RALYL: variants seen among roughly 807,000 people sequenced by gnomAD.
RALYL encodes the protein RALY RNA binding protein like, also known as RNA-binding Raly-like protein.
A neutral mutation model predicts 35.1 loss-of-function variants in RALYL; 29 were observed. The ratio of observed to expected loss-of-function variants is 0.83; its 90% CI spans 0.61 to 1.13. The LOEUF (loss-of-function observed/expected upper bound fraction) is 1.13. Ranked by LOEUF, RALYL falls within the 50% of genes most tolerant of loss-of-function variation. RALYL has a pLI of 0.00. For synonymous variants in RALYL, 120 were observed against 127.6 expected (o/e 0.94, Z 0.40); for missense variants, 359 against 360.4 (o/e 1.00, Z 0.03).
intron 1 of RALYL, among the ~76,000 whole-genome samples, chr8:84,521,314 C>T (rs368558628): frequency 3.0e-4 from 45 of 152,302 alleles, no homozygotes; most frequent in Non-Finnish European, 5.0e-4. Flanking sequence ...CTGGGACTTC[C>T]CAACCTCAGG....
chr8:84,386,057 G>A (rs1859128908), intron 1 of RALYL, among the ~76,000 whole-genome samples: 1 of 151,812 alleles, frequency 6.6e-6, no homozygotes, highest in African/African-American at 2.4e-5. Flanking sequence ...GGGAAAGAGA[G>A]GCATCTTGGC....
At chr8:84,210,787 C>T (rs11780481) in intron 1 of RALYL, among the ~76,000 whole-genome samples, 35,566 of 151,750 alleles carry the variant, frequency 0.23, 4,253 homozygotes, top group Non-Finnish European at 0.27. Flanking sequence ...GTACAAGAGG[C>T]AAATACACAT....
intron 2 of RALYL, among the ~76,000 whole-genome samples, chr8:84,630,406 C>G (rs1017384614): frequency 2.6e-5 from 4 of 151,844 alleles, no homozygotes; most frequent in Non-Finnish European, 5.9e-5. Context: ...CAAACAACAA[C>G]AAGAAGAAAC....
At chr8:84,768,001 T>G (rs1274992342) in intron 2 of RALYL, among the ~76,000 whole-genome samples, 1 of 152,244 alleles carries the variant, frequency 6.6e-6, no homozygotes, top group Non-Finnish European at 1.5e-5. Flanking sequence ...ATATTTTGTA[T>G]AAATCTCTTT....
chr8:84,389,676 T>C (rs1486671318), intron 1 of RALYL, among the ~76,000 whole-genome samples: 1 of 150,970 alleles, frequency 6.6e-6, no homozygotes, highest in East Asian at 1.9e-4. Flanking sequence ...ATGCTTGTGA[T>C]TTTTGTACAT....
At chr8:84,529,180 A>G (rs1258543043) in intron 1 of RALYL, 119 bp from the exon 2 acceptor site, 2 of 947,790 alleles carry the variant, frequency 2.1e-6, no homozygotes, top group Non-Finnish European at 3.1e-6. Context: ...ATTAATACTT[A>G]GGGATTGGAG....
intron 4 of RALYL, among the ~76,000 whole-genome samples, chr8:84,818,013 G>A (rs1299225324): frequency 6.6e-6 from 1 of 152,162 alleles, no homozygotes; most frequent in Non-Finnish European, 1.5e-5. Context: ...TTAACCAATT[G>A]AATCCAAAGG....
chr8:84,317,123 C>A (rs896769070), intron 1 of RALYL, among the ~76,000 whole-genome samples: 1 of 152,106 alleles, frequency 6.6e-6, no homozygotes, highest in Non-Finnish European at 1.5e-5. Flanking sequence ...TAAAAACTTG[C>A]ACTACATATT....
intron 8 of RALYL, among the ~76,000 whole-genome samples, chr8:84,903,633 A>T (rs1010266984): frequency 1.3e-5 from 2 of 152,176 alleles, no homozygotes; most frequent in African/African-American, 4.8e-5. Context: ...TATCAGTAAC[A>T]TAGGGTTCTT....
intron 1 of RALYL, among the ~76,000 whole-genome samples, chr8:84,274,548 G>T (rs961050655): frequency 1.3e-5 from 2 of 152,026 alleles, no homozygotes; most frequent in Non-Finnish European, 2.9e-5. Flanking sequence ...TTGCGCCTGA[G>T]TCTTTTTTGG....
At chr8:84,205,485 C>G (rs1199766883) in intron 1 of RALYL, among the ~76,000 whole-genome samples, 1 of 152,200 alleles carries the variant, frequency 6.6e-6, no homozygotes, top group Non-Finnish European at 1.5e-5. Context: ...CACAGCCCCC[C>G]TCTAACACAT....
intron 4 of RALYL, among the ~76,000 whole-genome samples, chr8:84,812,942 C>T (rs1420436004): frequency 1.3e-5 from 2 of 152,168 alleles, no homozygotes; most frequent in Non-Finnish European, 2.9e-5. Context: ...GCTTCTTGCC[C>T]CTTTCAAGTT....
At chr8:84,205,708 C>T (rs926646084) in intron 1 of RALYL, among the ~76,000 whole-genome samples, 8 of 152,202 alleles carry the variant, frequency 5.3e-5, no homozygotes, top group African/African-American at 1.9e-4. Context: ...ACCTTAACAA[C>T]CTAGTCTGAG....
chr8:84,233,427 G>C (rs760501991), intron 1 of RALYL, among the ~76,000 whole-genome samples: 2 of 152,130 alleles, frequency 1.3e-5, no homozygotes, highest in African/African-American at 4.8e-5. Flanking sequence ...TGTGTCACTA[G>C]TGTGAGGGAG....
intron 2 of RALYL, among the ~76,000 whole-genome samples, chr8:84,593,507 C>T (rs1032181854): frequency 3.3e-5 from 5 of 152,076 alleles, no homozygotes; most frequent in African/African-American, 1.2e-4. Flanking sequence ...AGGCTTTTTG[C>T]ATTTAACCTC....
At chr8:84,871,064 G>T (rs1027384282) in intron 6 of RALYL, among the ~76,000 whole-genome samples, 2 of 152,128 alleles carry the variant, frequency 1.3e-5, no homozygotes, top group Non-Finnish European at 2.9e-5. Context: ...ACATTTCCTG[G>T]TAGGGTCCAG....
chr8:84,620,870 G>T (rs1174700862), intron 2 of RALYL, among the ~76,000 whole-genome samples: 1 of 152,156 alleles, frequency 6.6e-6, no homozygotes, highest in Non-Finnish European at 1.5e-5. Flanking sequence ...GTGTCAGTGT[G>T]CCCCTGCTGG....
chr8:84,231,777 C>T (rs1825421942), intron 1 of RALYL, among the ~76,000 whole-genome samples: 1 of 152,116 alleles, frequency 6.6e-6, no homozygotes, highest in Non-Finnish European at 1.5e-5. Flanking sequence ...ACATCCTTTT[C>T]AAGTGCACAT....
intron 2 of RALYL, among the ~76,000 whole-genome samples, chr8:84,574,713 T>A (rs1270961384): frequency 6.6e-6 from 1 of 152,114 alleles, no homozygotes. Flanking sequence ...CCTATATATG[T>A]AGACAATGTA....
Sources: gnomAD v4.1 joint callset for allele counts (sites outside exome capture counted in the v4.1 genomes callset) on GRCh38, gnomAD v4.1.1 for gene constraint, MANE v1.5 for transcripts, NCBI Gene and HGNC (gene_info 2026-07-23, HGNC 2026-07-21) for gene names.